Variants in SPIDR observed in about 807,000 individuals in gnomAD.
SPIDR encodes the protein DNA repair-scaffolding protein.
In SPIDR, 93 loss-of-function variants were observed where a neutral mutation model predicts 104.6. The ratio of observed to expected loss-of-function variants is 0.89; its 90% CI spans 0.75 to 1.06. The LOEUF (loss-of-function observed/expected upper bound fraction) is 1.06, where lower values mean the gene tolerates loss of function less well. Ranked by LOEUF, SPIDR falls within the 50% of genes least tolerant of loss-of-function variation. The pLI is 0.00. For synonymous variants in SPIDR, 431 were observed against 416.9 expected, an observed-to-expected ratio of 1.03 and a Z score of -0.41; for missense variants, 1,154 against 1,111.2, an observed-to-expected ratio of 1.04 and a Z score of -0.55.
intron 8 of SPIDR, chr8:47,592,302 G>T: frequency 9.0e-7 from 1 of 1,105,254 alleles, no homozygotes; most frequent in South Asian, 1.2e-5. Flanking sequence ...ACTGTGTGCG[G>T]ATCTGCAGTG....
At chr8:47,684,777 C>A (rs1233927103) in intron 11 of SPIDR, among the ~76,000 whole-genome samples, 1 of 152,132 alleles carries the variant, frequency 6.6e-6, no homozygotes, top group African/African-American at 2.4e-5. Flanking sequence ...AAAAATGATA[C>A]AGTTTGAAAG....
intron 8 of SPIDR, among the ~76,000 whole-genome samples, chr8:47,459,914 G>A (rs904828221): frequency 6.6e-6 from 1 of 152,084 alleles, no homozygotes; most frequent in Non-Finnish European, 1.5e-5. Context: ...TCAGGAGCAG[G>A]TTATTTAATT....
intron 14 of SPIDR, among the ~76,000 whole-genome samples, chr8:47,706,703 A>T (rs1360688500): frequency 6.6e-6 from 1 of 152,178 alleles, no homozygotes; most frequent in Non-Finnish European, 1.5e-5. Flanking sequence ...ACATGAATAG[A>T]ACCATGCAGT....
In SPIDR at chr8:47,712,648, T is replaced by C. The variant is rs760496121; in HGVS notation, c.1978-14T>C. The C allele has an allele frequency of 6.2e-7, 1 of 1,610,356 alleles. No homozygotes were observed. Among genetic ancestry groups the C allele is most frequent in the Non-Finnish European group, 8.5e-7 (1 of 1,177,992 alleles). On this transcript the variant is annotated splice_polypyrimidine_tract_variant and intron_variant, in intron 14 of 19. Coordinates refer to ENST00000297423, the MANE Select transcript of SPIDR (RefSeq NM_001080394.4). ...GGTATAATAATTAATCTTTATTGTG[T>C]CTTCAAATTGTAGCTGAAGAGTCTG... is the stretch of plus-strand genomic sequence containing the variant.
chr8:47,616,898 C>T (rs982250967), intron 10 of SPIDR, among the ~76,000 whole-genome samples: 4 of 152,200 alleles, frequency 2.6e-5, no homozygotes, highest in Non-Finnish European at 5.9e-5. Context: ...GCACCCCATT[C>T]GTGATAGCAC....
chr8:47,330,967 C>G, intron 5 of SPIDR: 1 of 338,974 alleles, frequency 3.0e-6, no homozygotes, highest in Non-Finnish European at 5.9e-6. Flanking sequence ...TTTGCATTCC[C>G]ACCAGCAAAA....
At chr8:47,717,773 T>C (rs2082776753) in intron 16 of SPIDR, among the ~76,000 whole-genome samples, 2 of 152,224 alleles carry the variant, frequency 1.3e-5, no homozygotes. Flanking sequence ...ATGTGTAATG[T>C]AATCAATAGG....
rs190350790 is a variant in SPIDR at position 47,521,500 on chromosome 8, C to T, written c.1098-74311C>T. Among the ~76,000 whole-genome samples, 358 of 151,070 alleles carry T rather than the reference C, an allele frequency of 2.4e-3. 1 individual carries two copies. Among genetic ancestry groups the T allele is most frequent in the South Asian group, 7.6e-3 (36 of 4,734 alleles). ...CAGCACAATCTCGGCTCACTGTAACCTCCGCCTCCTGGGTCCCCATTCAAG... is the reference window on the plus strand; with the variant it reads ...CAGCACAATCTCGGCTCACTGTAACTTCCGCCTCCTGGGTCCCCATTCAAG... On this transcript the variant is annotated intron_variant, in intron 8 of 19. Transcript: ENST00000297423.
intron 8 of SPIDR, among the ~76,000 whole-genome samples, chr8:47,491,656 C>G (rs1167399663): frequency 6.6e-6 from 1 of 152,070 alleles, no homozygotes; most frequent in Non-Finnish European, 1.5e-5. Context: ...AGTTGCTGTT[C>G]TCTGCTGTCT....
chr8:47,614,211 C>CT (rs910937022), intron 10 of SPIDR, among the ~76,000 whole-genome samples: 48 of 148,094 alleles, frequency 3.2e-4, no homozygotes, highest in Admixed American at 4.7e-4. Context: ...CTCGTTCCTT[C>CT]TTTTTTTTTT....
intron 5 of SPIDR, among the ~76,000 whole-genome samples, chr8:47,349,820 T>C (rs10090708): frequency 0.029 from 4,441 of 152,288 alleles, 226 homozygotes; most frequent in African/African-American, 0.099. Flanking sequence ...GCTAAGACCA[T>C]TGGAAAAGCG....
At chr8:47,423,147 T>C (rs2065845765) in intron 7 of SPIDR, among the ~76,000 whole-genome samples, 1 of 151,816 alleles carries the variant, frequency 6.6e-6, no homozygotes, top group African/African-American at 2.4e-5. Flanking sequence ...CTTCTAAAAA[T>C]GCAAAAATTG....
chr8:47,692,289 G>C (rs187324344), intron 11 of SPIDR, among the ~76,000 whole-genome samples: 176 of 152,086 alleles, frequency 1.2e-3, no homozygotes, highest in Non-Finnish European at 2.1e-3. Flanking sequence ...CATCACCTCA[G>C]AAAGAAACCT....
intron 7 of SPIDR, among the ~76,000 whole-genome samples, chr8:47,434,033 AACC>A (rs1348607941): frequency 1.3e-5 from 2 of 152,208 alleles, no homozygotes; most frequent in Non-Finnish European, 2.9e-5. Flanking sequence ...CCCCAAATAA[AACC>A]ATTGTAGTAA....
chr8:47,654,208 G>A, intron 10 of SPIDR: 1 of 1,276,712 alleles, frequency 7.8e-7, no homozygotes, highest in Non-Finnish European at 1.0e-6. Context: ...CAACCTGCAG[G>A]AGGGGTTAGA....
At position 47,283,972 on chromosome 8, in the gene SPIDR, A is replaced by C. The variant is rs369937091; in HGVS notation, c.190-56A>C. ...AGTTTAAGATTTTGAATATTTTATA[A>C]AAGTTTTTTTTTAGCATTTGTCACA... On this transcript the variant is annotated intron_variant, in intron 2 of 19. Transcript: ENST00000297423. The C allele has an allele frequency of 4.5e-5, 61 of 1,364,268 alleles. No homozygotes were observed. In the East Asian group the frequency reaches 4.8e-4, roughly 11 times the overall value. 84.5% of individuals were successfully genotyped at this position (1,364,268 alleles called of 1,614,324 possible).
chr8:47,670,227 G>A (rs962574369), intron 10 of SPIDR, among the ~76,000 whole-genome samples: 8 of 152,028 alleles, frequency 5.3e-5, no homozygotes, highest in Non-Finnish European at 1.2e-4. Flanking sequence ...TCCCTATTTA[G>A]TTATGGAATG....
chr8:47,335,070 G>A (rs2049439575), intron 5 of SPIDR, among the ~76,000 whole-genome samples: 1 of 151,978 alleles, frequency 6.6e-6, no homozygotes, highest in Admixed American at 6.6e-5. Context: ...TTACTTACAT[G>A]TAAGCATACA....
In SPIDR at chr8:47,656,216, C is replaced by A. The variant is rs147289846; in HGVS notation, c.1545-17585C>A. Among the ~76,000 whole-genome samples the A allele has an allele frequency of 3.7e-3, 562 of 152,250 alleles. 8 individuals are homozygous for A. The highest frequency in any genetic ancestry group is 0.013 in the African/African-American group (533 of 41,546). ...AAGAAAAAATACATAAATGAGACTT[C>A]ATCGAAATTAAAAACTTTAACGTCT... is the stretch of plus-strand genomic sequence containing the variant. On this transcript the variant is annotated intron_variant, in intron 10 of 19. Coordinates refer to ENST00000297423, the MANE Select transcript of SPIDR (RefSeq NM_001080394.4).
Sources: allele counts gnomAD v4.1 joint callset (sites outside exome capture counted in the v4.1 genomes callset), GRCh38; gene constraint gnomAD v4.1.1; transcripts MANE v1.5; gene names NCBI Gene and HGNC (gene_info 2026-07-23, HGNC 2026-07-21).